Variants in ERICH1 observed in about 807,000 individuals in gnomAD.
ERICH1 encodes the protein glutamate rich 1.
A neutral mutation model predicts 39.6 loss-of-function variants in ERICH1; 56 were observed. That is an observed-to-expected ratio of 1.41 (90% CI 1.14 to 1.77). The LOEUF is 1.77. ERICH1 is among the 40% of genes most tolerant of loss of function. The probability of loss-of-function intolerance (pLI) is 0.00; values close to 1 mark genes in which losing one functional copy is unlikely to be tolerated. For synonymous variants in ERICH1, 313 were observed against 223.6 expected (o/e 1.40, Z -3.57); for missense variants, 826 against 575.4 (o/e 1.44, Z -4.45).
chr8:697,826 G>A (rs1047220033), intron 2 of ERICH1, among the ~76,000 whole-genome samples: 1 of 152,230 alleles, frequency 6.6e-6, no homozygotes, highest in African/African-American at 2.4e-5. Flanking sequence ...GAGAGACACA[G>A]CAGAGTGCGT....
At position 730,776 on chromosome 8, in the gene ERICH1, C is replaced by T. The variant is rs546957272; in HGVS notation, c.22+364G>A. On this transcript the variant is annotated intron_variant, in intron 1 of 5. Coordinates refer to ENST00000262109, the MANE Select transcript of ERICH1 (RefSeq NM_207332.3). Reference sequence around the variant, plus strand: ...GCCGGAGCCGGCTGCAGCCCCACCCCGGAGCCCTGGGCTAGGACCCCTCTG... The same window carrying T: ...GCCGGAGCCGGCTGCAGCCCCACCCTGGAGCCCTGGGCTAGGACCCCTCTG... 7.2e-5 allele frequency among the ~76,000 whole-genome samples: 11 copies of T among 152,332 alleles called. 1 individual carries two copies. The South Asian group carries it at 2.3e-3, about 32-fold the overall frequency.
intron 2 of ERICH1, among the ~76,000 whole-genome samples, chr8:695,320 G>A (rs2132101247): frequency 6.6e-6 from 1 of 151,940 alleles, no homozygotes; most frequent in East Asian, 1.9e-4. Context: ...CACAGCCCTT[G>A]CCCTTGCTTC....
chr8:676,901 G>A (rs1329888033), intron 3 of ERICH1, among the ~76,000 whole-genome samples: 1 of 152,248 alleles, frequency 6.6e-6, no homozygotes, highest in Admixed American at 6.5e-5. Context: ...AACAACGTGA[G>A]TGAAGTTTGT....
At chr8:636,591 G>A (rs534303586) in intron 3 of ERICH1, among the ~76,000 whole-genome samples, 3 of 152,322 alleles carry the variant, frequency 2.0e-5, no homozygotes, top group South Asian at 2.1e-4. Flanking sequence ...CCTCAGCCCT[G>A]TCCACCAAAC....
chr8:664,752 A>C, intron 5 of ERICH1, 76 bp from the exon 6 acceptor site: 1 of 1,276,212 alleles, frequency 7.8e-7, no homozygotes, highest in Non-Finnish European at 1.1e-6. Flanking sequence ...TTATGTAGAC[A>C]CGAGCCTTTG....
At chr8:621,568 C>T (rs1179029053) in intron 3 of ERICH1, among the ~76,000 whole-genome samples, 6 of 150,700 alleles carry the variant, frequency 4.0e-5, no homozygotes, top group Non-Finnish European at 7.4e-5. Context: ...AAACTAAAAA[C>T]CAGCAGAAGA....
intron 2 of ERICH1, among the ~76,000 whole-genome samples, chr8:693,756 G>A (rs1332656348): frequency 6.7e-6 from 1 of 150,290 alleles, no homozygotes; most frequent in African/African-American, 2.5e-5. Context: ...CTGCGCACGG[G>A]ACCTCCCCTG....
intron 2 of ERICH1, among the ~76,000 whole-genome samples, chr8:698,584 T>C (rs1021229443): frequency 2.6e-5 from 4 of 152,088 alleles, no homozygotes; most frequent in Non-Finnish European, 4.4e-5. Flanking sequence ...GACAAGGTGG[T>C]CATTGAAAAA....
At chr8:697,582 G>A (rs1230549357) in intron 2 of ERICH1, among the ~76,000 whole-genome samples, 2 of 152,148 alleles carry the variant, frequency 1.3e-5, no homozygotes, top group Admixed American at 6.5e-5. Flanking sequence ...GCACGGAGCT[G>A]GAGGCCTGAG....
intron 2 of ERICH1, among the ~76,000 whole-genome samples, chr8:701,313 G>A (rs931203642): frequency 6.6e-6 from 1 of 152,192 alleles, no homozygotes; most frequent in Middle Eastern, 3.4e-3. Context: ...CCATACCTAC[G>A]GGTCTGCCCT....
intron 4 of ERICH1, chr8:671,748 C>A (rs1313138950): frequency 6.2e-6 from 1 of 160,886 alleles, no homozygotes; most frequent in Non-Finnish European, 1.3e-5. Context: ...GCTCACTGGG[C>A]TCCAGGCTGA....
At chr8:618,190 G>A (rs970922357) in intron 3 of ERICH1, among the ~76,000 whole-genome samples, 9 of 150,494 alleles carry the variant, frequency 6.0e-5, no homozygotes, top group South Asian at 2.1e-4. Context: ...TGTTCTCACT[G>A]CCCTCTGAGT....
chr8:728,907 A>C (rs1166461282), intron 1 of ERICH1, among the ~76,000 whole-genome samples: 1 of 149,932 alleles, frequency 6.7e-6, no homozygotes, highest in African/African-American at 2.4e-5. Context: ...TGCCTAGCAG[A>C]AACAATCTAC....
At chr8:621,891 T>C (rs930650311) in intron 3 of ERICH1, among the ~76,000 whole-genome samples, 9 of 152,126 alleles carry the variant, frequency 5.9e-5, no homozygotes, top group African/African-American at 2.2e-4. Flanking sequence ...AGGAAATATA[T>C]CTAAAACAAT....
chr8:699,515 C>A (rs1335713568), intron 2 of ERICH1, among the ~76,000 whole-genome samples: 1 of 152,190 alleles, frequency 6.6e-6, no homozygotes, highest in African/African-American at 2.4e-5. Context: ...CGCACCCAGA[C>A]CCTCCCCACC....
In ERICH1 at chr8:731,215, C is replaced by A. The variant is rs1424607612; in HGVS notation, c.-54G>T. 2 of 1,415,790 alleles carry A rather than the reference C, an allele frequency of 1.4e-6. No homozygotes were observed. Among genetic ancestry groups the A allele is most frequent in the East Asian group, 2.9e-5 (1 of 34,762 alleles). The allele number at this position is 1,415,790 out of a possible 1,614,324, so 87.7% of individuals were successfully genotyped here. On this transcript the variant is annotated 5_prime_UTR_variant, in exon 1 of 6. Transcript: ENST00000262109. ...CGGCGCGCGGTCCTGAGCTGAGCGCCGTGCCTTCCGGGTTCCGCCCTCCTG... is the reference window on the plus strand; with the variant it reads ...CGGCGCGCGGTCCTGAGCTGAGCGCAGTGCCTTCCGGGTTCCGCCCTCCTG...
chr8:720,246 G>C (rs1044765304), intron 1 of ERICH1, among the ~76,000 whole-genome samples: 1 of 152,268 alleles, frequency 6.6e-6, no homozygotes, highest in South Asian at 2.1e-4. Flanking sequence ...GCAGGACGCC[G>C]AGGTGCCCAC....
intron 1 of ERICH1, among the ~76,000 whole-genome samples, chr8:720,989 T>C (rs1412837225): frequency 6.6e-6 from 1 of 152,190 alleles, no homozygotes; most frequent in Non-Finnish European, 1.5e-5. Context: ...ATATTAAATA[T>C]TGGCAAAGGC....
chr8:685,366 G>A (rs1807089010), intron 3 of ERICH1, among the ~76,000 whole-genome samples: 1 of 152,174 alleles, frequency 6.6e-6, no homozygotes, highest in South Asian at 2.1e-4. Flanking sequence ...CTTTTGTCAA[G>A]ATGCCCAGAT....
Sources: allele counts gnomAD v4.1 joint callset (sites outside exome capture counted in the v4.1 genomes callset), GRCh38; gene constraint gnomAD v4.1.1; transcripts MANE v1.5; gene names NCBI Gene and HGNC (gene_info 2026-07-23, HGNC 2026-07-21).